The following SUCO variants were observed in gnomAD, a reference collection of about 807,000 sequenced individuals.
The protein encoded by SUCO is SUN domain-containing ossification factor.
SUCO carries 57 observed loss-of-function variants against 148.1 expected under a neutral mutation model. The observed-to-expected ratio is 0.38, with a 90% CI of 0.31 to 0.48. SUCO has a LOEUF of 0.48. Ranked by LOEUF, SUCO falls within the 20% of genes least tolerant of loss-of-function variation. SUCO has a pLI of 0.96. For missense variants in SUCO, 1,331 were observed against 1,468.2 expected (o/e 0.91, Z 1.53); for synonymous variants, 470 against 502.7 (o/e 0.93, Z 0.87).
In SUCO at chr1:172,611,490, G is replaced by A. The variant is rs1658210861; in HGVS notation, c.*1231G>A. ...AGTTATAACTTATTGAGCACTTTTA[G>A]TAGTGATAACTGTTTTTAAACTTGC... is the stretch of plus-strand genomic sequence containing the variant. On this transcript the variant is annotated 3_prime_UTR_variant, in exon 24 of 24. Coordinates refer to ENST00000263688, the MANE Select transcript of SUCO (RefSeq NM_014283.5). The A allele has an allele frequency of 6.6e-6, 1 of 152,622 alleles. No homozygotes were observed. Among genetic ancestry groups the A allele is most frequent in the African/African-American group, 2.4e-5 (1 of 41,460 alleles). 9.5% of individuals were successfully genotyped at this position (152,622 alleles called of 1,614,324 possible). A position where few individuals can be genotyped will look rare whatever the true frequency, so the allele number is the denominator to read the frequency against.
At chr1:172,597,320 G>GT (rs981913025) in intron 19 of SUCO, among the ~76,000 whole-genome samples, 40 of 152,216 alleles carry the variant, frequency 2.6e-4, no homozygotes, top group Non-Finnish European at 4.9e-4. Flanking sequence ...GATGAACCCA[G>GT]TACCTCAGTT....
chr1:172,601,932 G>T, intron 20 of SUCO, 132 bp from the exon 21 acceptor site: 1 of 826,070 alleles, frequency 1.2e-6, no homozygotes, highest in Non-Finnish European at 1.7e-6. Context: ...CAAAGAGCAT[G>T]CCCTGCATTT....
chr1:172,602,626 C>A lies in SUCO; in HGVS notation c.3174-70C>A. On this transcript the variant is annotated intron_variant, in intron 21 of 23. Transcript: ENST00000263688. ...ACAGTTCTCAATAACCTCTGTGTAG[C>A]CTCAACAAAAGAGTAAATTATATGT... 1.9e-6 allele frequency: 3 copies of A among 1,577,392 alleles called. No homozygotes were observed. The South Asian group carries it at 3.6e-5, about 19-fold the overall frequency.
chr1:172,604,626 TTTTCG>T (rs1285843931), intron 22 of SUCO, among the ~76,000 whole-genome samples: 1 of 151,826 alleles, frequency 6.6e-6, no homozygotes, highest in African/African-American at 2.4e-5. Context: ...CTTCCGAATG[TTTTCG>T]TCTTGCAAAC....
At chr1:172,536,331 T>C (rs1432846640) in intron 1 of SUCO, among the ~76,000 whole-genome samples, 1 of 152,222 alleles carries the variant, frequency 6.6e-6, no homozygotes, top group African/African-American at 2.4e-5. Context: ...TGACTTGTTA[T>C]GTAACTTCTT....
At chr1:172,571,193 C>T (rs541780717) in intron 9 of SUCO, among the ~76,000 whole-genome samples, 3 of 150,708 alleles carry the variant, frequency 2.0e-5, no homozygotes, top group Admixed American at 6.6e-5. Flanking sequence ...GGAGTGCCTG[C>T]GATTGCAGGC....
At chr1:172,560,877 T>C (rs1317562157) in intron 6 of SUCO, among the ~76,000 whole-genome samples, 1 of 152,226 alleles carries the variant, frequency 6.6e-6, no homozygotes, top group African/African-American at 2.4e-5. Context: ...TGAGCTGAAT[T>C]GGGGCACAAA....
intron 9 of SUCO, among the ~76,000 whole-genome samples, chr1:172,573,402 T>A (rs925427582): frequency 2.6e-5 from 4 of 151,980 alleles, no homozygotes; most frequent in Non-Finnish European, 5.9e-5. Context: ...TAACTTGATT[T>A]CCCCCCCTGC....
Position 172,610,480 on chromosome 1 carries a change from C to A in SUCO, c.*221C>A. On this transcript the variant is annotated 3_prime_UTR_variant, in exon 24 of 24. Transcript: ENST00000263688. Reference sequence around the variant, plus strand: ...CACTTCCTATAAGGACAATGGTAGACATTTTATAAAGATGTTTTTTCACAA... The same window carrying A: ...CACTTCCTATAAGGACAATGGTAGAAATTTTATAAAGATGTTTTTTCACAA... The A allele has an allele frequency of 1.9e-6, 1 of 535,032 alleles. No homozygotes were observed. The highest frequency in any genetic ancestry group is 2.8e-6 in the Non-Finnish European group (1 of 350,984). 33.1% of individuals were successfully genotyped at this position (535,032 alleles called of 1,614,324 possible). A position where few individuals can be genotyped will look rare whatever the true frequency, so the allele number is the denominator to read the frequency against.
At position 172,611,639 on chromosome 1, in the gene SUCO, A is replaced by G. The variant is rs757525611; in HGVS notation, c.*1380A>G. 20 of 152,622 alleles carry G rather than the reference A, an allele frequency of 1.3e-4. No individual in the cohort carries two copies. The highest frequency in any genetic ancestry group is 2.4e-4 in the Non-Finnish European group (16 of 68,022). The allele number at this position is 152,622 out of a possible 1,614,324, so 9.5% of individuals were successfully genotyped here. ...TTTAAATTTCTTTCCTGTCTGCACA[A>G]TTAGCTATTCAGAGCAAGAGGGCCT... On this transcript the variant is annotated 3_prime_UTR_variant, in exon 24 of 24. Coordinates refer to ENST00000263688, the MANE Select transcript of SUCO (RefSeq NM_014283.5).
chr1:172,543,228 C>T (rs1311541308), intron 1 of SUCO, among the ~76,000 whole-genome samples: 1 of 152,188 alleles, frequency 6.6e-6, no homozygotes, highest in African/African-American at 2.4e-5. Context: ...CAGTCTGACC[C>T]ACACTTACTG....
chr1:172,557,339 A>G lies in SUCO; in HGVS notation c.503A>G (p.Glu168Gly), dbSNP rs1469980323. Residue 168 changes from glutamate (E) to glycine (G), a missense_variant, in exon 5 of 24, where the codon GAA becomes GGA. By Grantham distance (98) the Glu-to-Gly change is moderately conservative. This residue lies in a region of SUCO where 992 missense variants were observed against 1,093.5 expected (regional missense o/e 0.91). Coordinates refer to ENST00000263688, the MANE Select transcript of SUCO (RefSeq NM_014283.5). The stretch of plus-strand genomic sequence containing the variant: ...AAACCAAGTGAAACTGAGCAGTCTG[A>G]AACTGATTGTGATGTTGGTGAGGCC... ...IAKPSETEQS[E>G]TDCDVGEALD... is the part of the protein sequence containing the mutation. 6.2e-7 allele frequency: 1 copy of G among 1,613,922 alleles called. No individual in the cohort carries two copies. Among genetic ancestry groups the G allele is most frequent in the African/African-American group, 1.3e-5 (1 of 74,920 alleles).
upstream of SUCO, chr1:172,532,947 G>T (rs1389379641): frequency 1.3e-5 from 18 of 1,357,726 alleles, no homozygotes; most frequent in Non-Finnish European, 1.5e-5. Context: ...CGGCTTCTCC[G>T]CCTGCGACGT....
intron 1 of SUCO, among the ~76,000 whole-genome samples, chr1:172,539,603 A>G (rs1652289241): frequency 6.6e-6 from 1 of 152,210 alleles, no homozygotes; most frequent in African/African-American, 2.4e-5. Flanking sequence ...GTATTCTGTA[A>G]CATTAATACG....
At chr1:172,596,931 T>A (rs1209824397) in intron 19 of SUCO, among the ~76,000 whole-genome samples, 1 of 152,252 alleles carries the variant, frequency 6.6e-6, no homozygotes, top group Non-Finnish European at 1.5e-5. Context: ...TGCGCTGGGC[T>A]CCACCCAGTT....
chr1:172,533,030 C>G, upstream of SUCO: 1 of 1,432,884 alleles, frequency 7.0e-7, no homozygotes, highest in Non-Finnish European at 9.1e-7. Flanking sequence ...GCGTCCCTTT[C>G]CAGCTCAGCG....
intron 12 of SUCO, 91 bp downstream of exon 12, chr1:172,577,650 A>G: frequency 6.3e-7 from 1 of 1,578,952 alleles, no homozygotes; most frequent in Non-Finnish European, 8.6e-7. Context: ...TTTGGGGAAA[A>G]TAAGGACTTT....
chr1:172,551,409 G>A (rs138683830), intron 1 of SUCO, 103 bp from the exon 2 acceptor site: 13 of 598,058 alleles, frequency 2.2e-5, no homozygotes, highest in African/African-American at 1.7e-4. Flanking sequence ...TCTGTTTATC[G>A]CCTCAAATTC....
chr1:172,565,499 G>A (rs1654486452), intron 6 of SUCO, among the ~76,000 whole-genome samples: 1 of 152,202 alleles, frequency 6.6e-6, no homozygotes, highest in Non-Finnish European at 1.5e-5. Context: ...CATCTTGGGT[G>A]CAGTCTATAA....
Sources: allele counts gnomAD v4.1 joint callset (sites outside exome capture counted in the v4.1 genomes callset), GRCh38; gene constraint gnomAD v4.1.1; regional missense constraint gnomAD v4.1.1; transcripts MANE v1.5; gene names NCBI Gene and HGNC (gene_info 2026-07-23, HGNC 2026-07-21).